The following VPS13D variants were observed in gnomAD, a reference collection of about 807,000 sequenced individuals.
VPS13D encodes vacuolar protein sorting 13 homolog D, also known as intermembrane lipid transfer protein VPS13D.
VPS13D carries 187 observed loss-of-function variants against 461.9 expected under a neutral mutation model. The observed-to-expected ratio is 0.40, with a 90% CI of 0.36 to 0.46. VPS13D has a LOEUF of 0.46. Ranked by LOEUF, VPS13D falls within the 20% of genes least tolerant of loss-of-function variation. The probability of loss-of-function intolerance (pLI) is 0.60; values close to 1 mark genes in which losing one functional copy is unlikely to be tolerated. For missense variants in VPS13D, 4,711 were observed against 5,364.9 expected (o/e 0.88, Z 3.81); for synonymous variants, 1,951 against 1,986.3 (o/e 0.98, Z 0.47).
At chr1:12,508,826 T>C in intron 69 of VPS13D, 67 bp from the exon 70 acceptor site, 1 of 1,570,398 alleles carries the variant, frequency 6.4e-7, no homozygotes. Context: ...AGCCGCCACC[T>C]GGGTGGATCT....
rs778827804 is a variant in VPS13D at position 12,276,206 on chromosome 1, C to G, written c.2618C>G (p.Ala873Gly). 9.3e-6 allele frequency: 15 copies of G among 1,613,920 alleles called. No homozygotes were observed. The East Asian group carries it at 3.3e-4, about 36-fold the overall frequency. The change falls in exon 19 of 70, where the codon GCC (alanine) becomes GGC (glycine). Residue 873 changes from alanine (A) to glycine (G), a missense_variant. Ala to Gly is a moderately conservative substitution (Grantham distance 60, BLOSUM62 0). Coordinates refer to ENST00000620676, the MANE Select transcript of VPS13D (RefSeq NM_015378.4). This position sits in a 1 kb window ranked among gnomAD's most constrained non-coding sequence, Gnocchi z 4.5. ...ACTTCAGATCCCAAATATCCAGGAG[C>G]CGTGCTCTCAGGCAACTTACCAGAC... is the stretch of plus-strand genomic sequence containing the variant. Reference protein sequence around the residue: ...IYTSDPKYPGAVLSGNLPDLK... With the variant: ...IYTSDPKYPGGVLSGNLPDLK...
In VPS13D at chr1:12,507,943, G is replaced by A. The variant is rs982788015; in HGVS notation, c.13035+850G>A. Among the ~76,000 whole-genome samples, 5 of 152,198 alleles carry A rather than the reference G, an allele frequency of 3.3e-5. No individual in the cohort carries two copies. The highest frequency in any genetic ancestry group is 7.3e-5 in the Non-Finnish European group (5 of 68,032). ...TCAAGAATGATACATTAATCAAAAGGGCCTGCCCACCTCTGCTCTCTCTAT... is the reference window on the plus strand; with the variant it reads ...TCAAGAATGATACATTAATCAAAAGAGCCTGCCCACCTCTGCTCTCTCTAT... On this transcript the variant is annotated intron_variant, in intron 69 of 69. Transcript: ENST00000620676. The surrounding 1 kb of genome is among the most constrained non-coding windows in gnomAD (Gnocchi z 5.3).
At chr1:12,472,101 A>G (rs1645570209) in intron 67 of VPS13D, among the ~76,000 whole-genome samples, 1 of 152,180 alleles carries the variant, frequency 6.6e-6, no homozygotes, top group Non-Finnish European at 1.5e-5. Context: ...CTATAGTAGT[A>G]CTATAGCAGT....
chr1:12,414,999 C>T (rs571489527), intron 63 of VPS13D, 88 bp from the exon 64 acceptor site: 1 of 1,486,026 alleles, frequency 6.7e-7, no homozygotes, highest in African/African-American at 1.4e-5. Context: ...GTTAACATGA[C>T]TTGTAGCTTT....
chr1:12,368,607 G>A lies in VPS13D; in HGVS notation c.10572+16G>A, dbSNP rs756148573. ...CTTTTCTAAGGTATCAAGTGGAGCT[G>A]AGAGCCAGTTTGACTGTTTCATGTG... On this transcript the variant is annotated intron_variant, in intron 53 of 69. Coordinates refer to ENST00000620676, the MANE Select transcript of VPS13D (RefSeq NM_015378.4). 6.2e-7 allele frequency: 1 copy of A among 1,608,478 alleles called. No individual in the cohort carries two copies. The highest frequency in any genetic ancestry group is 1.1e-5 in the South Asian group (1 of 90,046).
At chr1:12,476,322 C>G (rs1645630898) in intron 67 of VPS13D, among the ~76,000 whole-genome samples, 1 of 152,154 alleles carries the variant, frequency 6.6e-6, no homozygotes, top group African/African-American at 2.4e-5. Flanking sequence ...CTGTCTTGGC[C>G]CATATTAAAG....
At chr1:12,361,904 A>G (rs1643956567) in intron 50 of VPS13D, among the ~76,000 whole-genome samples, 1 of 152,148 alleles carries the variant, frequency 6.6e-6, no homozygotes, top group Admixed American at 6.5e-5. Flanking sequence ...TGTCACCCAG[A>G]CTAGAGTGTA....
At chr1:12,350,310 A>G (rs116702118) in intron 46 of VPS13D, among the ~76,000 whole-genome samples, 4,318 of 152,316 alleles carry the variant, frequency 0.028, 110 homozygotes, top group African/African-American at 0.061. Flanking sequence ...TTAAAGAACT[A>G]AAACCATACA....
chr1:12,292,813 G>A (rs565234440), intron 23 of VPS13D, among the ~76,000 whole-genome samples: 4 of 152,166 alleles, frequency 2.6e-5, no homozygotes, highest in Admixed American at 2.6e-4. Flanking sequence ...ATATCTGAGG[G>A]CTTTTTCATT....
At chr1:12,233,781 C>T (rs1452502746) in intron 1 of VPS13D, among the ~76,000 whole-genome samples, 8 of 152,206 alleles carry the variant, frequency 5.3e-5, no homozygotes, top group Non-Finnish European at 1.5e-5. Context: ...GGCGCAGTGG[C>T]TCATGCCTGT....
chr1:12,308,375 A>C (rs1472308241), intron 26 of VPS13D, 56 bp from the exon 27 acceptor site: 2 of 1,583,844 alleles, frequency 1.3e-6, no homozygotes. Context: ...TGTTTAGTGC[A>C]ACCCCTTTTT....
At chr1:12,492,063 G>C (rs781713223) in intron 67 of VPS13D, among the ~76,000 whole-genome samples, 1 of 152,170 alleles carries the variant, frequency 6.6e-6, no homozygotes, top group Non-Finnish European at 1.5e-5. Context: ...CCTCTTGTTC[G>C]GTGATCCATT....
At position 12,433,931 on chromosome 1, in the gene VPS13D, TGA is replaced by T. The variant is rs374176072; in HGVS notation, c.12333+17122_12333+17123del. 4.3e-4 allele frequency among the ~76,000 whole-genome samples: 54 copies of T among 126,224 alleles called. No homozygotes were observed. The East Asian group carries it at 4.3e-3, about 10-fold the overall frequency. 82.8% of individuals were successfully genotyped at this position (126,224 alleles called of 152,430 possible). A position where few individuals can be genotyped will look rare whatever the true frequency, so the allele number is the denominator to read the frequency against. ...GTAGGGGGTGGGGAGAGAGAGAGAGTGAGAGAGAGAGAGAGAGAGTGTGTGTG... is the reference window on the plus strand; with the variant it reads ...GTAGGGGGTGGGGAGAGAGAGAGAGTGAGAGAGAGAGAGAGAGTGTGTGTG... On this transcript the variant is annotated intron_variant, in intron 65 of 69. Coordinates refer to ENST00000620676, the MANE Select transcript of VPS13D (RefSeq NM_015378.4).
At chr1:12,254,393 A>T (rs1245449395) in intron 7 of VPS13D, among the ~76,000 whole-genome samples, 1 of 151,992 alleles carries the variant, frequency 6.6e-6, no homozygotes, top group Non-Finnish European at 1.5e-5. Context: ...CTTAAAGAGG[A>T]ACTTTCTTAC....
rs769453781 is a variant in VPS13D, at chr1:12,276,453, C to T, written c.2865C>T (p.Leu955=). Residue 955 remains leucine, a synonymous_variant, in exon 19 of 70, where the codon CTC becomes CTT. Transcript: ENST00000620676. This position sits in a 1 kb window ranked among gnomAD's most constrained non-coding sequence, Gnocchi z 4.5. The part of the protein sequence containing the change: ...TREVLVESQL[L]LAEFKVNCMQ... ...AGGTTCTGGTGGAGTCGCAGCTCCT[C>T]CTGGCGGAATTTAAAGTGAACTGTA... is the stretch of plus-strand genomic sequence containing the variant. The T allele has an allele frequency of 1.9e-6, 3 of 1,614,060 alleles. No homozygotes were observed. In the Admixed American group the frequency reaches 5.0e-5, roughly 27 times the overall value.
rs1328431254 is a variant in VPS13D, at chr1:12,282,914, G to A, written c.4812G>A (p.Gln1604=). Reference sequence around the variant, plus strand: ...ACTCCAGCCTTTCTAACACCTCTCAGAAGTCATTGTCAGTGAAGGAAGTCA... The same window carrying A: ...ACTCCAGCCTTTCTAACACCTCTCAAAAGTCATTGTCAGTGAAGGAAGTCA... The part of the protein sequence containing the change: ...FSHSSLSNTS[Q]KSLSVKEVKS... The change falls in exon 21 of 70, where the codon CAG becomes CAA. Residue 1604 remains glutamine (Q), a synonymous_variant. Transcript: ENST00000620676. 6.2e-7 allele frequency: 1 copy of A among 1,614,180 alleles called. No individual in the cohort carries two copies. The highest frequency in any genetic ancestry group is 1.1e-5 in the South Asian group (1 of 91,080).
intron 26 of VPS13D, among the ~76,000 whole-genome samples, chr1:12,306,811 G>C (rs945681562): frequency 2.6e-5 from 4 of 152,102 alleles, no homozygotes; most frequent in African/African-American, 9.7e-5. Context: ...AGATCATCAG[G>C]CATTAGATTC....
chr1:12,509,051 C>T lies in VPS13D; in HGVS notation c.*27C>T, dbSNP rs761176833. 1.9e-5 allele frequency: 31 copies of T among 1,611,850 alleles called. No homozygotes were observed. The highest frequency in any genetic ancestry group is 2.6e-5 in the Non-Finnish European group (31 of 1,179,142). ...GCCCCGCTGCTGAGATGGGCGCTCC[C>T]GACACAGCGCAGACCCACCAGGAGG... On this transcript the variant is annotated 3_prime_UTR_variant, in exon 70 of 70. Transcript: ENST00000620676.
chr1:12,308,786 G>A lies in VPS13D; in HGVS notation c.6650+145G>A, dbSNP rs911291155. ...TCAGCCTCAGCCTCCCAAGTAGCTGGGATTACAGGCACATGCTACCATGCC... is the reference window on the plus strand; with the variant it reads ...TCAGCCTCAGCCTCCCAAGTAGCTGAGATTACAGGCACATGCTACCATGCC... On this transcript the variant is annotated intron_variant, in intron 27 of 69. Coordinates refer to ENST00000620676, the MANE Select transcript of VPS13D (RefSeq NM_015378.4). 5.4e-6 allele frequency: 4 copies of A among 736,184 alleles called. No homozygotes were observed. The East Asian group carries it at 1.1e-4, about 20-fold the overall frequency. The allele number at this position is 736,184 out of a possible 1,614,324, so 45.6% of individuals were successfully genotyped here.
Sources: gnomAD v4.1 joint callset for allele counts (sites outside exome capture counted in the v4.1 genomes callset) on GRCh38, gnomAD v4.1.1 for gene constraint, Gnocchi (gnomAD v3.1) non-coding constraint, MANE v1.5 for transcripts, NCBI Gene and HGNC (gene_info 2026-07-23, HGNC 2026-07-21) for gene names.